Variants in NR2C2 observed in about 807,000 individuals in gnomAD.
NR2C2 encodes the protein Nuclear hormone receptor TR4.
A neutral mutation model predicts 62.9 loss-of-function variants in NR2C2; 6 were observed. The observed-to-expected ratio is 0.10, with a 90% CI of 0.05 to 0.19. The LOEUF is 0.19. Ranked by LOEUF, NR2C2 falls within the 10% of genes least tolerant of loss-of-function variation. The pLI is 1.00. For synonymous variants in NR2C2, 272 were observed against 273.8 expected, an observed-to-expected ratio of 0.99 and a Z score of 0.07; for missense variants, 479 against 762.7, an observed-to-expected ratio of 0.63 and a Z score of 4.38.
rs112257731 is a variant in NR2C2, at chr3:14,974,725, T to C, written c.-40+26819T>C. On this transcript the variant is annotated intron_variant, in intron 1 of 13. Transcript: ENST00000425241. ...TTCAAGTAATTCTCCTGCCTCAGCC[T>C]CCCAAGTAGCTGGGATTACAGGTAT... is the stretch of plus-strand genomic sequence containing the variant. Among the ~76,000 whole-genome samples the C allele has an allele frequency of 4.7e-3, 715 of 151,950 alleles. 4 individuals are homozygous for C. Among genetic ancestry groups the C allele is most frequent in the Admixed American group, 0.013 (194 of 15,240 alleles).
Position 15,040,935 on chromosome 3 carries a change from T to C in NR2C2, c.1616+1708T>C, listed in dbSNP as rs182899913. On this transcript the variant is annotated intron_variant, in intron 13 of 13. Coordinates refer to ENST00000425241, the MANE Select transcript of NR2C2 (RefSeq NM_001291694.2). ...ATGGCTGGAAATGGCCCTCTGGGGC[T>C]ACTGGCAGAGCCACAGCACACTCGA... Among the ~76,000 whole-genome samples, 945 of 152,306 alleles carry C rather than the reference T, an allele frequency of 6.2e-3. 8 individuals are homozygous for C. The highest frequency in any genetic ancestry group is 0.015 in the South Asian group (74 of 4,826).
At chr3:15,034,169 G>A (rs182884011) in intron 10 of NR2C2, among the ~76,000 whole-genome samples, 154 of 152,344 alleles carry the variant, frequency 1.0e-3, no homozygotes, top group Admixed American at 1.8e-3. Context: ...GGCTGGAAGC[G>A]GCCTTAGCTG....
chr3:15,001,731 C>CT (rs1467890865), intron 1 of NR2C2, among the ~76,000 whole-genome samples: 3 of 152,146 alleles, frequency 2.0e-5, no homozygotes, highest in African/African-American at 4.8e-5. Flanking sequence ...ATCCTCCCAC[C>CT]TTAACCTACT....
intron 1 of NR2C2, among the ~76,000 whole-genome samples, chr3:14,991,761 T>C (rs543431032): frequency 9.2e-4 from 137 of 148,608 alleles, no homozygotes; most frequent in Non-Finnish European, 1.7e-3. Flanking sequence ...TTTTTTTTTT[T>C]CTTTTTCTTT....
intron 5 of NR2C2, 32 bp from the exon 6 acceptor site, chr3:15,023,168 T>C (rs1465389285): frequency 1.2e-6 from 2 of 1,609,904 alleles, no homozygotes. Context: ...GAATTGTTTC[T>C]CTAAACACAA....
Position 15,045,073 on chromosome 3 carries a change from A to AC in NR2C2, c.*2066dup, listed in dbSNP as rs1175217773. The AC allele has an allele frequency of 1.3e-5, 2 of 152,348 alleles. No homozygotes were observed. The highest frequency in any genetic ancestry group is 4.8e-5 in the African/African-American group (2 of 41,582). The allele number at this position is 152,348 out of a possible 1,614,324, so 9.4% of individuals were successfully genotyped here. On this transcript the variant is annotated 3_prime_UTR_variant, in exon 14 of 14. Transcript: ENST00000425241. ...ATGTGTTTTCAGTTTCAAAATTAAG[A>AC]CAAAAAACCAGCTGAGACAATGGAA... is the stretch of plus-strand genomic sequence containing the variant.
rs563478067 is a variant in NR2C2 at position 15,044,343 on chromosome 3, C to T, written c.*1335C>T. ...CCAGGTGTGTGCCAGCCGACCACCC[C>T]GGAGCATTTTAAATGCAGGCTGCTT... On this transcript the variant is annotated 3_prime_UTR_variant, in exon 14 of 14. Coordinates refer to ENST00000425241, the MANE Select transcript of NR2C2 (RefSeq NM_001291694.2). The T allele has an allele frequency of 3.3e-5, 5 of 152,316 alleles. No homozygotes were observed. In the East Asian group the frequency reaches 5.8e-4, roughly 18 times the overall value. 9.4% of individuals were successfully genotyped at this position (152,316 alleles called of 1,614,324 possible). A position where few individuals can be genotyped will look rare whatever the true frequency, so the allele number is the denominator to read the frequency against.
intron 11 of NR2C2, among the ~76,000 whole-genome samples, chr3:15,035,624 G>A (rs2042083720): frequency 6.6e-6 from 1 of 152,252 alleles, no homozygotes; most frequent in Non-Finnish European, 1.5e-5. Context: ...GCTGGGTGCA[G>A]TGGCTCACTC....
At chr3:14,990,628 T>C (rs2040643409) in intron 1 of NR2C2, among the ~76,000 whole-genome samples, 1 of 152,200 alleles carries the variant, frequency 6.6e-6, no homozygotes. Context: ...GGACTCTCTT[T>C]GGCCTGGGAG....
chr3:14,960,633 C>A (rs2039664356), intron 1 of NR2C2, among the ~76,000 whole-genome samples: 1 of 152,136 alleles, frequency 6.6e-6, no homozygotes, highest in East Asian at 1.9e-4. Flanking sequence ...TGTAATAATT[C>A]AAATTCACAT....
intron 1 of NR2C2, among the ~76,000 whole-genome samples, chr3:14,986,787 T>C (rs1300734261): frequency 1.3e-5 from 2 of 152,244 alleles, no homozygotes; most frequent in Non-Finnish European, 2.9e-5. Flanking sequence ...TAACATCTTA[T>C]TCAGGGTCAC....
intron 1 of NR2C2, among the ~76,000 whole-genome samples, chr3:14,954,294 C>T (rs867068853): frequency 6.6e-6 from 1 of 151,072 alleles, no homozygotes; most frequent in Non-Finnish European, 1.5e-5. Context: ...TATAATATGT[C>T]TTTTCTAAAG....
chr3:14,955,264 A>G (rs536874341), intron 1 of NR2C2, among the ~76,000 whole-genome samples: 1 of 152,214 alleles, frequency 6.6e-6, no homozygotes, highest in Admixed American at 6.5e-5. Flanking sequence ...CAAAGTTCTA[A>G]AAGAACTGCC....
chr3:15,027,059 G>A (rs1206449962), intron 7 of NR2C2: 1 of 152,320 alleles, frequency 6.6e-6, no homozygotes, highest in African/African-American at 2.4e-5. Flanking sequence ...TAGAGATAGG[G>A]TTTCACCATG....
At chr3:15,030,548 C>A in intron 9 of NR2C2, 96 bp downstream of exon 9, 2 of 1,303,582 alleles carry the variant, frequency 1.5e-6, no homozygotes, top group Non-Finnish European at 2.1e-6. Flanking sequence ...AACCTTGGGG[C>A]CAGGCATAGT....
chr3:15,030,685 G>A (rs1198791608), intron 9 of NR2C2, among the ~76,000 whole-genome samples: 1 of 152,050 alleles, frequency 6.6e-6, no homozygotes, highest in Non-Finnish European at 1.5e-5. Context: ...AAAATTAGTC[G>A]GGCATGGAGG....
At position 15,049,114 on chromosome 3, in the gene NR2C2, G is replaced by C. The variant is rs1449118106; in HGVS notation, c.*6106G>C. On this transcript the variant is annotated 3_prime_UTR_variant, in exon 14 of 14. Transcript: ENST00000425241. ...ATATCTAATCAATGTCTTCAGTCTT[G>C]AAGAAGAATTTGCATTGTTGTGTTT... is the stretch of plus-strand genomic sequence containing the variant. The C allele has an allele frequency of 6.6e-6, 1 of 152,598 alleles. No homozygotes were observed. Among genetic ancestry groups the C allele is most frequent in the Non-Finnish European group, 1.5e-5 (1 of 68,026 alleles). 9.5% of individuals were successfully genotyped at this position (152,598 alleles called of 1,614,324 possible).
At position 15,042,849 on chromosome 3, in the gene NR2C2, C is replaced by T. The variant is rs767718660; in HGVS notation, c.1632C>T (p.Leu544=). 2.1e-5 allele frequency: 34 copies of T among 1,613,878 alleles called. 1 individual carries two copies. In the East Asian group the frequency reaches 2.7e-4, roughly 13 times the overall value. ...CCTTTTATAGATTGGCCCGGATCCTCGTTCGCCTGCCGGCACTCAGGCTGA... is the reference window on the plus strand; with the variant it reads ...CCTTTTATAGATTGGCCCGGATCCTTGTTCGCCTGCCGGCACTCAGGCTGA... The part of the protein sequence containing the change: ...SEDTYRLARI[L]VRLPALRLMS... Residue 544 remains leucine, a synonymous_variant, in exon 14 of 14, where the codon CTC becomes CTT. Coordinates refer to ENST00000425241, the MANE Select transcript of NR2C2 (RefSeq NM_001291694.2).
intron 1 of NR2C2, among the ~76,000 whole-genome samples, chr3:14,997,927 C>T (rs2040878643): frequency 6.6e-6 from 1 of 152,162 alleles, no homozygotes; most frequent in Non-Finnish European, 1.5e-5. Flanking sequence ...AAAAAACCCA[C>T]ATCTCTTAGC....
Sources: allele counts gnomAD v4.1 joint callset (sites outside exome capture counted in the v4.1 genomes callset), GRCh38; gene constraint gnomAD v4.1.1; transcripts MANE v1.5; gene names NCBI Gene and HGNC (gene_info 2026-07-23, HGNC 2026-07-21).